IDE: variants seen among roughly 807,000 people sequenced by gnomAD.
The protein encoded by IDE is insulin degrading enzyme, also known as insulin-degrading enzyme.
Under a neutral mutation model 133.2 loss-of-function variants are expected in IDE, and 58 were observed. The observed-to-expected ratio is 0.44, with a 90% CI of 0.35 to 0.54. The LOEUF (loss-of-function observed/expected upper bound fraction) is 0.54, where lower values mean the gene tolerates loss of function less well. Among genes scored for constraint, IDE ranks in the 20% least tolerant of loss-of-function variants. IDE has a pLI of 0.00. For missense variants in IDE, 981 were observed against 1,234.0 expected (o/e 0.79, Z 3.07); for synonymous variants, 396 against 421.3 (o/e 0.94, Z 0.73).
chr10:92,546,858 T>C (rs1842553251), intron 1 of IDE, among the ~76,000 whole-genome samples: 2 of 152,246 alleles, frequency 1.3e-5, no homozygotes, highest in Non-Finnish European at 2.9e-5. Context: ...ATGATTAAAC[T>C]TTGAATAAAT....
At chr10:92,572,849 AC>A (rs949461161) in intron 1 of IDE, 9 of 826,732 alleles carry the variant, frequency 1.1e-5, no homozygotes, top group East Asian at 1.2e-4. Flanking sequence ...AAGCCAGCCT[AC>A]CCCCCCATCT....
At chr10:92,520,956 C>A (rs2135594201) in intron 4 of IDE, among the ~76,000 whole-genome samples, 1 of 152,246 alleles carries the variant, frequency 6.6e-6, no homozygotes, top group South Asian at 2.1e-4. Context: ...GTTTTTACAT[C>A]CATGAGTCTA....
At chr10:92,477,157 AT>A (rs35637537) in intron 15 of IDE, among the ~76,000 whole-genome samples, 19 of 149,214 alleles carry the variant, frequency 1.3e-4, no homozygotes, top group South Asian at 6.3e-4. Context: ...GGCTTAGCAC[AT>A]TTTTTTTTTT....
chr10:92,454,956 C>T (rs781454196), intron 24 of IDE, among the ~76,000 whole-genome samples: 13 of 152,062 alleles, frequency 8.5e-5, no homozygotes, highest in African/African-American at 2.2e-4. Context: ...GATTAAAATA[C>T]GCAGGTAACA....
At chr10:92,514,728 A>T (rs192647077) in intron 5 of IDE, among the ~76,000 whole-genome samples, 192 bp downstream of exon 5, 39 of 152,244 alleles carry the variant, frequency 2.6e-4, no homozygotes, top group African/African-American at 8.4e-4. Context: ...ATCTCCACTT[A>T]AACTTCTTTT....
At chr10:92,567,676 T>C (rs972463326) in intron 1 of IDE, among the ~76,000 whole-genome samples, 1 of 152,196 alleles carries the variant, frequency 6.6e-6, no homozygotes, top group Non-Finnish European at 1.5e-5. Context: ...ATTCCTTCTA[T>C]CTAAAATATT....
chr10:92,479,111 A>T (rs1444308771), intron 15 of IDE, among the ~76,000 whole-genome samples, 166 bp downstream of exon 15: 3 of 152,218 alleles, frequency 2.0e-5, no homozygotes, highest in African/African-American at 7.2e-5. Context: ...TATGTAGTTG[A>T]ACACTTAGAA....
chr10:92,519,245 C>CT lies in IDE; in HGVS notation c.662-4204_662-4203insA, dbSNP rs563839632. On this transcript the variant is annotated intron_variant, in intron 4 of 24. Transcript: ENST00000265986. Reference sequence around the variant, plus strand: ...AGTAAATGGTCCAGATGACTGCCCCCCAACACCTAAGAAACCATGTATGGA... The same window carrying CT: ...AGTAAATGGTCCAGATGACTGCCCCCTCAACACCTAAGAAACCATGTATGGA... Among the ~76,000 whole-genome samples, 15 of 152,232 alleles carry CT rather than the reference C, an allele frequency of 9.9e-5. No individual in the cohort carries two copies. The East Asian group carries it at 2.9e-3, about 29-fold the overall frequency.
chr10:92,470,314 T>C lies in IDE; in HGVS notation c.2148A>G (p.Ile716Met), dbSNP rs190422480. ...DVTLPRLKAF[I>M]PQLLSRLHIE... ...TGTGCAGCCGTGACAGGAGCTGAGG[T>C]ATGAAGGCCTTAAGGCGAGGAAGGG... is the stretch of plus-strand genomic sequence containing the variant. Residue 716 changes from isoleucine (I) to methionine (M), a missense_variant, in exon 18 of 25, where the codon ATA becomes ATG. By Grantham distance (10) the Ile-to-Met change is conservative. Transcript: ENST00000265986. The C allele has an allele frequency of 6.2e-7, 1 of 1,605,596 alleles. No homozygotes were observed.
rs1451343237 is a variant in IDE at position 92,524,440 on chromosome 10, ATATATTT to A, written c.661+7301_661+7307del. 6.8e-3 allele frequency among the ~76,000 whole-genome samples: 121 copies of A among 17,710 alleles called. 7 individuals carry two copies. The highest frequency in any genetic ancestry group is 0.034 in the African/African-American group (100 of 2,950). 11.6% of individuals were successfully genotyped at this position (17,710 alleles called of 152,430 possible). A position where few individuals can be genotyped will look rare whatever the true frequency, so the allele number is the denominator to read the frequency against. ...TATTATATATAATATATTTTATATA[ATATATTT>A]TATATATTATATATTTTATATAATA... On this transcript the variant is annotated intron_variant, in intron 4 of 24. Coordinates refer to ENST00000265986, the MANE Select transcript of IDE (RefSeq NM_004969.4).
At position 92,567,791 on chromosome 10, in the gene IDE, T is replaced by C. The variant is rs146873358; in HGVS notation, c.98+6131A>G. Among the ~76,000 whole-genome samples the C allele has an allele frequency of 2.6e-5, 4 of 152,202 alleles. No homozygotes were observed. In the East Asian group the frequency reaches 5.8e-4, roughly 22 times the overall value. Reference sequence around the variant, plus strand: ...GAGTTAGAGATCAGTATGGACAACATAGCAAGATCCTGCCTCTACAAAATT... The same window carrying C: ...GAGTTAGAGATCAGTATGGACAACACAGCAAGATCCTGCCTCTACAAAATT... On this transcript the variant is annotated intron_variant, in intron 1 of 24. Transcript: ENST00000265986.
intron 1 of IDE, chr10:92,541,306 G>T: frequency 2.1e-6 from 1 of 470,704 alleles, no homozygotes; most frequent in Non-Finnish European, 4.4e-6. Flanking sequence ...ACCTTCTGGA[G>T]AAGTGAAGAC....
intron 1 of IDE, among the ~76,000 whole-genome samples, chr10:92,548,163 C>T (rs1842610647): frequency 6.6e-6 from 1 of 151,892 alleles, no homozygotes; most frequent in South Asian, 2.1e-4. Flanking sequence ...AGTTCAAGAC[C>T]AGCCTGACCA....
chr10:92,476,238 A>G (rs977245292), intron 15 of IDE, among the ~76,000 whole-genome samples: 1 of 151,112 alleles, frequency 6.6e-6, no homozygotes, highest in Non-Finnish European at 1.5e-5. Context: ...CAACGGCACG[A>G]TTTCAGTTCA....
intron 12 of IDE, among the ~76,000 whole-genome samples, chr10:92,490,286 A>AC (rs1335972647): frequency 6.6e-6 from 1 of 152,224 alleles, no homozygotes; most frequent in Non-Finnish European, 1.5e-5. Context: ...GGTTTGATAG[A>AC]CACATGAGAA....
chr10:92,538,394 A>G (rs955549544), intron 1 of IDE, among the ~76,000 whole-genome samples: 14 of 152,362 alleles, frequency 9.2e-5, no homozygotes, highest in African/African-American at 3.4e-4. Context: ...ACAATCCTGT[A>G]AAGTTCTAAT....
chr10:92,538,580 G>A (rs1358329474), intron 1 of IDE, among the ~76,000 whole-genome samples: 1 of 152,108 alleles, frequency 6.6e-6, no homozygotes, highest in Non-Finnish European at 1.5e-5. Context: ...TCTTGCAAAG[G>A]GCTTCCTCTG....
chr10:92,514,422 C>A (rs1589452577), intron 5 of IDE, among the ~76,000 whole-genome samples: 1 of 151,532 alleles, frequency 6.6e-6, no homozygotes, highest in African/African-American at 2.4e-5. Flanking sequence ...GTCAAATCTG[C>A]CAATCTTTGT....
chr10:92,477,077 T>C (rs952821906), intron 15 of IDE, among the ~76,000 whole-genome samples: 12 of 151,996 alleles, frequency 7.9e-5, no homozygotes, highest in African/African-American at 2.7e-4. Flanking sequence ...GTAAGTTCTG[T>C]TGGTGTTCCA....
Sources: gnomAD v4.1 joint callset for allele counts (sites outside exome capture counted in the v4.1 genomes callset) on GRCh38, gnomAD v4.1.1 for gene constraint, MANE v1.5 for transcripts, NCBI Gene and HGNC (gene_info 2026-07-23, HGNC 2026-07-21) for gene names.